The following OXCT1 variants were observed in gnomAD, a reference collection of about 807,000 sequenced individuals.
OXCT1 encodes 3-oxoacid CoA-transferase 1, also known as succinyl-CoA:3-ketoacid coenzyme A transferase 1, mitochondrial.
A neutral mutation model predicts 69.6 loss-of-function variants in OXCT1; 27 were observed. That is an observed-to-expected ratio of 0.39 (90% CI 0.29 to 0.54). OXCT1 has a LOEUF of 0.54. OXCT1 is among the 20% of genes least tolerant of loss of function. The pLI is 0.72. For synonymous variants in OXCT1, 202 were observed against 217.8 expected (o/e 0.93, Z 0.64); for missense variants, 437 against 650.2 (o/e 0.67, Z 3.57).
intron 7 of OXCT1, 76 bp downstream of exon 7, chr5:41,840,375 G>T: frequency 9.4e-7 from 1 of 1,064,070 alleles, no homozygotes. Context: ...CAAATGAACT[G>T]TGGTACTTTT....
intron 13 of OXCT1, among the ~76,000 whole-genome samples, chr5:41,764,274 GTTCA>G (rs761598184): frequency 7.2e-5 from 11 of 152,102 alleles, no homozygotes; most frequent in Non-Finnish European, 1.2e-4. Context: ...CTGAATTTGT[GTTCA>G]TTATCTGTAC....
chr5:41,772,277 C>T (rs771367042), intron 13 of OXCT1, among the ~76,000 whole-genome samples: 25 of 151,886 alleles, frequency 1.6e-4, no homozygotes, highest in Non-Finnish European at 3.2e-4. Flanking sequence ...TCACCTCCTC[C>T]CACTGTCTGC....
intron 8 of OXCT1, among the ~76,000 whole-genome samples, chr5:41,806,543 A>G (rs550249445): frequency 6.6e-6 from 1 of 152,174 alleles, no homozygotes; most frequent in East Asian, 1.9e-4. Context: ...GCTTAGTGCC[A>G]TCCCTTGGAA....
chr5:41,739,820 G>A lies in OXCT1; in HGVS notation c.1420-329C>T, dbSNP rs1436089740. On this transcript the variant is annotated intron_variant, in intron 15 of 16. Transcript: ENST00000196371. ...CGAGAGGCGGAGCTTGCAGTGAGCC[G>A]AGATCACGCCACTGCACTCCAGCCT... The A allele has an allele frequency of 1.4e-4, 46 of 320,472 alleles. 1 individual carries two copies. Among genetic ancestry groups the A allele is most frequent in the South Asian group, 9.9e-4 (36 of 36,530 alleles). 19.9% of individuals were successfully genotyped at this position (320,472 alleles called of 1,614,324 possible).
intron 13 of OXCT1, among the ~76,000 whole-genome samples, chr5:41,770,456 CT>C (rs1218525911): frequency 6.6e-6 from 1 of 152,168 alleles, no homozygotes; most frequent in Non-Finnish European, 1.5e-5. Context: ...CTGAACTACA[CT>C]GAATTTGCTT....
rs111495436 is a variant in OXCT1 at position 41,853,513 on chromosome 5, T to C, written c.320A>G (p.Gln107Arg). 1.2e-6 allele frequency: 2 copies of C among 1,613,992 alleles called. No homozygotes were observed. Among genetic ancestry groups the C allele is most frequent in the African/African-American group, 1.3e-5 (1 of 75,050 alleles). The change falls in exon 4 of 17, where the codon CAG (glutamine) becomes CGG (arginine). Residue 107 changes from glutamine (Q) to arginine (R), a missense_variant. Gln to Arg is a conservative substitution (Grantham distance 43, BLOSUM62 1). This residue lies in a region of OXCT1 where 252 missense variants were observed against 397.4 expected (regional missense o/e 0.63). Transcript: ENST00000196371. ...ATATGAAGAGACCATGCGTTTTATC[T>C]GCTTGGACCGAAGCAAAAGCCCCAA... ...FGLGLLLRSK[Q>R]IKRMVSSYVG...
At chr5:41,801,222 A>G in intron 10 of OXCT1, 152 bp from the exon 11 acceptor site, 2 of 667,434 alleles carry the variant, frequency 3.0e-6, no homozygotes, top group South Asian at 1.8e-5. Context: ...GGTTGTGTCC[A>G]TGGCTCTGTT....
At chr5:41,832,964 G>T (rs557113125) in intron 7 of OXCT1, among the ~76,000 whole-genome samples, 2 of 152,118 alleles carry the variant, frequency 1.3e-5, no homozygotes, top group Admixed American at 6.5e-5. Flanking sequence ...AGTCAGAGGA[G>T]ACAAAAGAAA....
intron 5 of OXCT1, chr5:41,843,575 C>T (rs1456738779): frequency 1.1e-5 from 5 of 455,836 alleles, no homozygotes; most frequent in Non-Finnish European, 2.2e-5. Flanking sequence ...ACTGTCTTGC[C>T]ATCATGTTCT....
intron 10 of OXCT1, among the ~76,000 whole-genome samples, chr5:41,801,585 C>T (rs949330694): frequency 6.6e-6 from 1 of 152,038 alleles, no homozygotes; most frequent in Non-Finnish European, 1.5e-5. Context: ...CAATGTTATT[C>T]AAAAACTTTT....
chr5:41,816,733 T>A (rs536887219), intron 7 of OXCT1, among the ~76,000 whole-genome samples: 1 of 152,202 alleles, frequency 6.6e-6, no homozygotes, highest in South Asian at 2.1e-4. Context: ...AAGATCACTA[T>A]CTCTCCTTAT....
At chr5:41,761,605 C>A (rs1449889643) in intron 14 of OXCT1, among the ~76,000 whole-genome samples, 1 of 152,084 alleles carries the variant, frequency 6.6e-6, no homozygotes, top group African/African-American at 2.4e-5. Context: ...AAGTATAATA[C>A]CTTTCAGAGC....
intron 11 of OXCT1, among the ~76,000 whole-genome samples, chr5:41,797,333 C>T (rs565506232): frequency 2.8e-4 from 43 of 152,146 alleles, no homozygotes; most frequent in Admixed American, 6.5e-4. Context: ...ATTATCAAGG[C>T]CTCTGCTAAT....
intron 7 of OXCT1, among the ~76,000 whole-genome samples, chr5:41,833,322 A>C (rs1463639036): frequency 6.6e-6 from 1 of 150,424 alleles, no homozygotes; most frequent in Non-Finnish European, 1.5e-5. Flanking sequence ...TTTTCAGTGG[A>C]AACATTACAA....
In OXCT1 at chr5:41,842,656, T is replaced by C. The variant is rs1468264287; in HGVS notation, c.671+19A>G. 6.4e-7 allele frequency: 1 copy of C among 1,568,360 alleles called. No individual in the cohort carries two copies. Among genetic ancestry groups the C allele is most frequent in the Non-Finnish European group, 8.8e-7 (1 of 1,138,512 alleles). ...AGAGTTGCTGATATGCACGAGTGTT[T>C]TTAAAACTATCACAATACCTGAAAA... On this transcript the variant is annotated intron_variant, in intron 6 of 16. Coordinates refer to ENST00000196371, the MANE Select transcript of OXCT1 (RefSeq NM_000436.4).
At chr5:41,787,222 A>AT (rs1418839354) in intron 13 of OXCT1, among the ~76,000 whole-genome samples, 1 of 152,216 alleles carries the variant, frequency 6.6e-6, no homozygotes, top group Non-Finnish European at 1.5e-5. Flanking sequence ...CCATCAGTAA[A>AT]TACACAATGA....
intron 16 of OXCT1, among the ~76,000 whole-genome samples, chr5:41,736,063 TA>T (rs774115868): frequency 6.6e-6 from 1 of 152,220 alleles, no homozygotes; most frequent in Admixed American, 6.5e-5. Context: ...TGTATAATAG[TA>T]ATACTTTTAC....
At chr5:41,794,158 A>T (rs943238749) in intron 12 of OXCT1, 80 bp from the exon 13 acceptor site, 1 of 933,326 alleles carries the variant, frequency 1.1e-6, no homozygotes, top group African/African-American at 1.6e-5. Context: ...AATTAGAATA[A>T]CTTCATACCA....
At position 41,838,894 on chromosome 5, in the gene OXCT1, C is replaced by G. The variant is rs1273182141; in HGVS notation, c.732+1557G>C. 2.0e-5 allele frequency among the ~76,000 whole-genome samples: 3 copies of G among 152,140 alleles called. No individual in the cohort carries two copies. The East Asian group carries it at 5.8e-4, about 29-fold the overall frequency. On this transcript the variant is annotated intron_variant, in intron 7 of 16. Transcript: ENST00000196371. ...AGTGCTGCGATAAATTAGGCCTGAG[C>G]CACTGTGCCATAATTTTAATTTTAT...
Sources: gnomAD v4.1 joint callset for allele counts (sites outside exome capture counted in the v4.1 genomes callset) on GRCh38, gnomAD v4.1.1 for gene constraint, gnomAD v4.1.1 regional missense constraint, MANE v1.5 for transcripts, NCBI Gene and HGNC (gene_info 2026-07-23, HGNC 2026-07-21) for gene names.